Variants in TAOK3 observed in about 807,000 individuals in gnomAD.
The protein encoded by TAOK3 is serine/threonine-protein kinase TAO3.
In TAOK3, 40 loss-of-function variants were observed where a neutral mutation model predicts 120.4. That is an observed-to-expected ratio of 0.33 (90% CI 0.26 to 0.43). TAOK3 has a LOEUF of 0.43. Among genes scored for constraint, TAOK3 ranks in the 20% least tolerant of loss-of-function variants. The probability of loss-of-function intolerance (pLI) is 1.00; values close to 1 mark genes in which losing one functional copy is unlikely to be tolerated. For synonymous variants in TAOK3, 355 were observed against 387.5 expected, an observed-to-expected ratio of 0.92 and a Z score of 0.99; for missense variants, 821 against 1,112.1, an observed-to-expected ratio of 0.74 and a Z score of 3.72.
intron 15 of TAOK3, among the ~76,000 whole-genome samples, chr12:118,178,321 G>A (rs1233055100): frequency 6.6e-6 from 1 of 152,122 alleles, no homozygotes; most frequent in Non-Finnish European, 1.5e-5. Flanking sequence ...TAGCCCAAAG[G>A]TTAAGTTGTA....
At chr12:118,237,615 T>C (rs919389048) in intron 7 of TAOK3, among the ~76,000 whole-genome samples, 5 of 152,258 alleles carry the variant, frequency 3.3e-5, no homozygotes, top group Middle Eastern at 3.4e-3. Flanking sequence ...GTAAAGATAA[T>C]ATCTTCCTAA....
intron 1 of TAOK3, among the ~76,000 whole-genome samples, chr12:118,346,953 C>T (rs530274104): frequency 2.0e-5 from 3 of 152,258 alleles, no homozygotes; most frequent in Non-Finnish European, 4.4e-5. Flanking sequence ...ATTCGTCTTC[C>T]TCCTTCAGTT....
At chr12:118,221,634 C>CT (rs35069196) in intron 9 of TAOK3, among the ~76,000 whole-genome samples, 59,164 of 125,956 alleles carry the variant, frequency 0.47, 15,008 homozygotes, top group Non-Finnish European at 0.51. Context: ...TACATATAAC[C>CT]TTTTTTTTTT....
intron 1 of TAOK3, among the ~76,000 whole-genome samples, chr12:118,322,604 T>C (rs2140956000): frequency 6.6e-6 from 1 of 152,174 alleles, no homozygotes; most frequent in African/African-American, 2.4e-5. Context: ...TGAGCGTGTG[T>C]TCCAATAAAA....
At chr12:118,213,680 T>G (rs2038740404) in intron 10 of TAOK3, among the ~76,000 whole-genome samples, 1 of 151,470 alleles carries the variant, frequency 6.6e-6, no homozygotes, top group African/African-American at 2.4e-5. Context: ...TTATCTCTGC[T>G]GAGAAGTGAT....
chr12:118,288,912 T>A (rs1178569163), intron 1 of TAOK3, among the ~76,000 whole-genome samples: 2 of 56,756 alleles, frequency 3.5e-5, no homozygotes, highest in African/African-American at 8.0e-5. Context: ...CAAGACTCTA[T>A]CTCAAAAAAA....
intron 11 of TAOK3, among the ~76,000 whole-genome samples, chr12:118,206,236 G>C (rs556340490): frequency 2.6e-5 from 4 of 152,340 alleles, no homozygotes; most frequent in Admixed American, 6.5e-5. Context: ...GAGAGAAAGA[G>C]CTTGGGTCGA....
intron 17 of TAOK3, 79 bp downstream of exon 17, chr12:118,172,378 C>G (rs1044743647): frequency 2.0e-6 from 3 of 1,464,486 alleles, no homozygotes; most frequent in Non-Finnish European, 2.9e-6. Context: ...TAGGAATGGA[C>G]CAGGCAGACA....
At chr12:118,351,625 A>G (rs1382816983) in intron 1 of TAOK3, among the ~76,000 whole-genome samples, 2 of 152,192 alleles carry the variant, frequency 1.3e-5, no homozygotes, top group Non-Finnish European at 2.9e-5. Flanking sequence ...TATTATTTAA[A>G]AAGATAAGAG....
At chr12:118,166,847 T>TACACACACACAC (rs200569755) in intron 17 of TAOK3, among the ~76,000 whole-genome samples, 2 of 135,316 alleles carry the variant, frequency 1.5e-5, no homozygotes, top group Non-Finnish European at 3.1e-5. Flanking sequence ...CACACACACA[T>TACACACACACAC]ACACACACAC....
At chr12:118,217,843 A>ACACTTTTTTTTTTTT (rs2039006781) in intron 9 of TAOK3, among the ~76,000 whole-genome samples, 1 of 105,226 alleles carries the variant, frequency 9.5e-6, no homozygotes, top group African/African-American at 3.4e-5. Flanking sequence ...ATATATATAT[A>ACACTTTTTTTTTTTT]TATATATATA....
intron 15 of TAOK3, 109 bp from the exon 16 acceptor site, chr12:118,177,438 A>C: frequency 1.4e-6 from 1 of 700,190 alleles, no homozygotes; most frequent in South Asian, 3.0e-5. Context: ...ATAATGAGAC[A>C]TTTTTGAACA....
intron 1 of TAOK3, among the ~76,000 whole-genome samples, chr12:118,284,135 T>G (rs56708462): frequency 0.12 from 18,562 of 152,178 alleles, 1,219 homozygotes; most frequent in Middle Eastern, 0.15. Flanking sequence ...TCTTTGGGTA[T>G]AAAGATATTT....
intron 2 of TAOK3, chr12:118,256,096 AAAG>A (rs2040974385): frequency 6.6e-6 from 1 of 152,272 alleles, no homozygotes; most frequent in Non-Finnish European, 1.5e-5. Context: ...AAAAAAAAAA[AAAG>A]AACAGACATA....
intron 9 of TAOK3, among the ~76,000 whole-genome samples, chr12:118,230,460 GTTTTTTTTTTTTTT>G (rs71069433): frequency 1.8e-4 from 9 of 49,986 alleles, no homozygotes; most frequent in Admixed American, 3.0e-4. Flanking sequence ...CCTGTGAAGT[GTTTTTTTTTTTTTT>G]TTTTTTTTTT....
chr12:118,267,793 G>A (rs1367263765), intron 1 of TAOK3, among the ~76,000 whole-genome samples: 10 of 149,330 alleles, frequency 6.7e-5, no homozygotes, highest in Admixed American at 5.4e-4. Flanking sequence ...GCTGAGGCAG[G>A]AGAATCGCTT....
chr12:118,322,038 G>A (rs1320254533), intron 1 of TAOK3, among the ~76,000 whole-genome samples: 1 of 152,056 alleles, frequency 6.6e-6, no homozygotes, highest in South Asian at 2.1e-4. Context: ...AATTTGGGCC[G>A]GTGCGGTGGC....
intron 1 of TAOK3, among the ~76,000 whole-genome samples, chr12:118,340,295 C>T (rs1324943577): frequency 6.6e-6 from 1 of 152,138 alleles, no homozygotes; most frequent in Admixed American, 6.5e-5. Flanking sequence ...AATTTTTAAT[C>T]AGGTTGGAAA....
At chr12:118,279,041 T>C (rs2042001138) in intron 1 of TAOK3, among the ~76,000 whole-genome samples, 1 of 152,086 alleles carries the variant, frequency 6.6e-6, no homozygotes, top group Non-Finnish European at 1.5e-5. Context: ...TCCTGACCTC[T>C]TGATCACCAC....
Sources: gnomAD v4.1 joint callset for allele counts (sites outside exome capture counted in the v4.1 genomes callset) on GRCh38, gnomAD v4.1.1 for gene constraint, MANE v1.5 for transcripts, NCBI Gene and HGNC (gene_info 2026-07-23, HGNC 2026-07-21) for gene names.